The following RRAGC variants were observed in gnomAD, a reference collection of about 807,000 sequenced individuals.
RRAGC encodes Ras related GTP binding C.
Under a neutral mutation model 37.1 loss-of-function variants are expected in RRAGC, and 8 were observed. The observed-to-expected ratio is 0.22, with a 90% CI of 0.13 to 0.39. The LOEUF is 0.39. Among genes scored for constraint, RRAGC ranks in the 10% least tolerant of loss-of-function variants. RRAGC has a pLI of 1.00. For synonymous variants in RRAGC, 190 were observed against 181.1 expected, an observed-to-expected ratio of 1.05 and a Z score of -0.39; for missense variants, 342 against 497.6, an observed-to-expected ratio of 0.69 and a Z score of 2.98.
At chr1:38,858,029 T>C (rs1642187998) in intron 1 of RRAGC, among the ~76,000 whole-genome samples, 1 of 152,210 alleles carries the variant, frequency 6.6e-6, no homozygotes, top group Non-Finnish European at 1.5e-5. Context: ...ACTTTGCCTC[T>C]TACTGTCTAG....
Position 38,838,694 on chromosome 1 carries a change from C to G in RRAGC, c.*859G>C, listed in dbSNP as rs755315879. 1.3e-5 allele frequency: 2 copies of G among 152,114 alleles called. No homozygotes were observed. The highest frequency in any genetic ancestry group is 2.9e-5 in the Non-Finnish European group (2 of 68,040). 9.4% of individuals were successfully genotyped at this position (152,114 alleles called of 1,614,324 possible). ...GTCAACCAAATGCAATCAAGAAGCT[C>G]GATAGCTTAGAATAAAAGGTCTGTA... is the stretch of plus-strand genomic sequence containing the variant. On this transcript the variant is annotated 3_prime_UTR_variant, in exon 7 of 7. Transcript: ENST00000373001.
chr1:38,844,448 GAA>G (rs770037090), intron 6 of RRAGC, among the ~76,000 whole-genome samples: 2 of 98,166 alleles, frequency 2.0e-5, no homozygotes, highest in Non-Finnish European at 2.1e-5. Context: ...CAGGACTGAG[GAA>G]AAAAAAAAAA....
intron 6 of RRAGC, among the ~76,000 whole-genome samples, chr1:38,843,414 TC>T (rs1264267556): frequency 6.6e-6 from 1 of 152,102 alleles, no homozygotes; most frequent in Non-Finnish European, 1.5e-5. Context: ...TTTGTGTATA[TC>T]TGAACTATTC....
intron 6 of RRAGC, among the ~76,000 whole-genome samples, chr1:38,841,915 T>C (rs1157384692): frequency 6.6e-6 from 1 of 152,124 alleles, no homozygotes; most frequent in Non-Finnish European, 1.5e-5. Context: ...GGCAGGCAGA[T>C]CACAAGGTCA....
At chr1:38,852,573 C>T in intron 3 of RRAGC, 85 bp from the exon 4 acceptor site, 1 of 692,580 alleles carries the variant, frequency 1.4e-6, no homozygotes, top group Non-Finnish European at 2.5e-6. Context: ...TTTTAAGTTT[C>T]TTAACATTTG....
chr1:38,855,610 C>T (rs1570870589), intron 3 of RRAGC, 98 bp downstream of exon 3: 16 of 952,382 alleles, frequency 1.7e-5, no homozygotes, highest in Non-Finnish European at 2.7e-5. Flanking sequence ...TGGCAAAGGG[C>T]ACACAGGTAG....
intron 1 of RRAGC, among the ~76,000 whole-genome samples, chr1:38,857,851 T>C (rs1398498491): frequency 1.3e-5 from 2 of 152,080 alleles, no homozygotes; most frequent in Admixed American, 1.3e-4. Context: ...TCCCAGCTAC[T>C]TGGGAAGCTG....
intron 3 of RRAGC, among the ~76,000 whole-genome samples, chr1:38,854,128 C>A (rs1348685096): frequency 7.0e-6 from 1 of 142,780 alleles, no homozygotes; most frequent in Admixed American, 7.4e-5. Context: ...AGTCCAGTGG[C>A]ACGATCTTGG....
At chr1:38,853,747 C>CA (rs568264211) in intron 3 of RRAGC, among the ~76,000 whole-genome samples, 202 of 97,088 alleles carry the variant, frequency 2.1e-3, no homozygotes, top group East Asian at 3.2e-3. Context: ...AACTCCATCT[C>CA]AAAAAAAAAA....
rs113009372 is a variant in RRAGC at position 38,851,069 on chromosome 1, T to C, written c.899+546A>G. On this transcript the variant is annotated intron_variant, in intron 5 of 6. Coordinates refer to ENST00000373001, the MANE Select transcript of RRAGC (RefSeq NM_022157.4). ...GCTGGCTGGCTTTCATAAATTTCTA[T>C]AGCGAGTTTGGCAAATTTACATAAA... Among the ~76,000 whole-genome samples the C allele has an allele frequency of 5.8e-3, 890 of 152,356 alleles. 7 individuals are homozygous for C. Among genetic ancestry groups the C allele is most frequent in the Non-Finnish European group, 7.3e-3 (499 of 68,038 alleles).
chr1:38,857,216 G>A, intron 1 of RRAGC, 134 bp from the exon 2 acceptor site: 1 of 624,490 alleles, frequency 1.6e-6, no homozygotes. Context: ...ACTGAATGGT[G>A]AATCCATTGG....
intron 6 of RRAGC, among the ~76,000 whole-genome samples, chr1:38,842,273 A>C (rs769667117): frequency 6.6e-6 from 1 of 152,222 alleles, no homozygotes; most frequent in Non-Finnish European, 1.5e-5. Flanking sequence ...CTCTATCTCA[A>C]AAAAATAAAT....
Position 38,838,785 on chromosome 1 carries a change from G to A in RRAGC, c.*768C>T, listed in dbSNP as rs573875993. On this transcript the variant is annotated 3_prime_UTR_variant, in exon 7 of 7. Coordinates refer to ENST00000373001, the MANE Select transcript of RRAGC (RefSeq NM_022157.4). ...GACACAATGAGTTTCTCCCCTAGAA[G>A]GGGACTGTGGGAAAACTTTTAATTC... The A allele has an allele frequency of 3.3e-5, 5 of 152,218 alleles. No homozygotes were observed. Among genetic ancestry groups the A allele is most frequent in the Non-Finnish European group, 5.9e-5 (4 of 68,034 alleles). 9.4% of individuals were successfully genotyped at this position (152,218 alleles called of 1,614,324 possible).
chr1:38,857,743 T>G (rs1408090511), intron 1 of RRAGC, among the ~76,000 whole-genome samples: 3 of 152,200 alleles, frequency 2.0e-5, no homozygotes, highest in African/African-American at 7.2e-5. Context: ...GCGGATCACT[T>G]GAGGTCAGGA....
intron 6 of RRAGC, among the ~76,000 whole-genome samples, chr1:38,839,990 C>CA (rs1235870240): frequency 2.0e-5 from 3 of 151,522 alleles, no homozygotes; most frequent in Non-Finnish European, 2.9e-5. Context: ...ACTAAAAATA[C>CA]AAAAAAAATT....
chr1:38,859,560 G>C lies in RRAGC; in HGVS notation c.87C>G (p.Gly29=), dbSNP rs780196238. 6.7e-7 allele frequency: 1 copy of C among 1,486,324 alleles called. No homozygotes were observed. Among genetic ancestry groups the C allele is most frequent in the South Asian group, 1.2e-5 (1 of 83,120 alleles). 92.1% of individuals were successfully genotyped at this position (1,486,324 alleles called of 1,614,324 possible). The part of the protein sequence containing the change: ...ADSFPKDFGY[G]VEEEEEEAAA... The stretch of plus-strand genomic sequence containing the variant: ...CCGCCTCCTCTTCCTCCTCCTCCAC[G>C]CCGTAGCCGAAGTCCTTTGGAAACG... The change falls in exon 1 of 7, where the codon GGC becomes GGG. Residue 29 remains glycine (G), a synonymous_variant. Coordinates refer to ENST00000373001, the MANE Select transcript of RRAGC (RefSeq NM_022157.4).
intron 5 of RRAGC, among the ~76,000 whole-genome samples, chr1:38,849,700 TAAATA>T (rs1642073902): frequency 6.6e-6 from 1 of 151,912 alleles, no homozygotes; most frequent in Admixed American, 6.6e-5. Context: ...AAAAAATAAA[TAAATA>T]AAATAAATAA....
At chr1:38,853,471 C>T (rs1439586201) in intron 3 of RRAGC, among the ~76,000 whole-genome samples, 1 of 152,176 alleles carries the variant, frequency 6.6e-6, no homozygotes, top group Admixed American at 6.5e-5. Flanking sequence ...TTCAGCTGGG[C>T]GCGATGGCTC....
intron 3 of RRAGC, among the ~76,000 whole-genome samples, chr1:38,853,548 T>C (rs187457224): frequency 3.9e-5 from 6 of 152,164 alleles, no homozygotes; most frequent in Admixed American, 3.9e-4. Flanking sequence ...GAGTTCGAGA[T>C]CAGCCGGACC....
Sources: gnomAD v4.1 joint callset for allele counts (sites outside exome capture counted in the v4.1 genomes callset) on GRCh38, gnomAD v4.1.1 for gene constraint, MANE v1.5 for transcripts, NCBI Gene and HGNC (gene_info 2026-07-23, HGNC 2026-07-21) for gene names.